The following CSRNP3 variants were observed in gnomAD, a reference collection of about 807,000 sequenced individuals.
CSRNP3 encodes cysteine/serine-rich nuclear protein 3.
Under a neutral mutation model 48.0 loss-of-function variants are expected in CSRNP3, and 12 were observed. The observed-to-expected ratio is 0.25, with a 90% CI of 0.16 to 0.41. CSRNP3 has a LOEUF of 0.41. Among genes scored for constraint, CSRNP3 ranks in the 10% least tolerant of loss-of-function variants. The pLI, the probability that CSRNP3 is intolerant of heterozygous loss-of-function variation, is 1.00. For missense variants in CSRNP3, 580 were observed against 724.4 expected, an observed-to-expected ratio of 0.80 and a Z score of 2.29; for synonymous variants, 263 against 269.7, an observed-to-expected ratio of 0.98 and a Z score of 0.24.
rs984206482 is a variant in CSRNP3 at position 165,681,220 on chromosome 2, T to C, written c.*1467T>C. ...AATAGTGTAATTCTGCCTTTTTTTT[T>C]CCAATGCAATATGACTATGCTAAAC... On this transcript the variant is annotated 3_prime_UTR_variant, in exon 7 of 7. Coordinates refer to ENST00000651982, the MANE Select transcript of CSRNP3 (RefSeq NM_001172173.2). The C allele has an allele frequency of 8.5e-5, 13 of 152,224 alleles. No individual in the cohort carries two copies. Among genetic ancestry groups the C allele is most frequent in the African/African-American group, 2.2e-4 (9 of 41,558 alleles). The allele number at this position is 152,224 out of a possible 1,614,324, so 9.4% of individuals were successfully genotyped here. A position where few individuals can be genotyped will look rare whatever the true frequency, so the allele number is the denominator to read the frequency against.
At chr2:165,521,453 A>G (rs1684661417) in intron 3 of CSRNP3, among the ~76,000 whole-genome samples, 1 of 152,212 alleles carries the variant, frequency 6.6e-6, no homozygotes, top group Admixed American at 6.5e-5. Context: ...CAAAATTGCC[A>G]ACCCAGGAAT....
chr2:165,521,231 G>A (rs1019923253), intron 3 of CSRNP3, among the ~76,000 whole-genome samples: 8 of 151,728 alleles, frequency 5.3e-5, no homozygotes, highest in Admixed American at 2.6e-4. Context: ...GGTTATGGGG[G>A]AAACAAAGAC....
intron 5 of CSRNP3, among the ~76,000 whole-genome samples, chr2:165,663,432 A>G (rs1208738407): frequency 1.3e-5 from 2 of 152,190 alleles, no homozygotes; most frequent in Non-Finnish European, 2.9e-5. Flanking sequence ...GAAAACTTTG[A>G]TGTGCTCAAT....
intron 3 of CSRNP3, among the ~76,000 whole-genome samples, chr2:165,563,005 G>A (rs1685253783): frequency 6.6e-6 from 1 of 152,118 alleles, no homozygotes; most frequent in Non-Finnish European, 1.5e-5. Flanking sequence ...GTCAGAGGAT[G>A]ATATGAACAT....
intron 4 of CSRNP3, among the ~76,000 whole-genome samples, chr2:165,608,973 G>A (rs977132940): frequency 6.7e-6 from 1 of 149,054 alleles, no homozygotes; most frequent in Non-Finnish European, 1.5e-5. Context: ...TGGGCATGGT[G>A]GCGGGCGCCT....
chr2:165,669,293 G>C (rs1558969224), intron 5 of CSRNP3, among the ~76,000 whole-genome samples: 1 of 151,884 alleles, frequency 6.6e-6, no homozygotes, highest in Non-Finnish European at 1.5e-5. Context: ...TTTGTTTTTT[G>C]TTTTATTTTG....
chr2:165,616,648 A>T (rs1460309569), intron 4 of CSRNP3, among the ~76,000 whole-genome samples: 1 of 152,142 alleles, frequency 6.6e-6, no homozygotes, highest in Non-Finnish European at 1.5e-5. Flanking sequence ...ATTCCCTTTT[A>T]TATGAATTGA....
At chr2:165,657,435 T>G (rs1687023306) in intron 4 of CSRNP3, among the ~76,000 whole-genome samples, 1 of 152,190 alleles carries the variant, frequency 6.6e-6, no homozygotes, top group African/African-American at 2.4e-5. Flanking sequence ...GAACATATCC[T>G]CTAAAGATAA....
chr2:165,516,313 T>G (rs1684581930), intron 2 of CSRNP3, among the ~76,000 whole-genome samples: 1 of 152,162 alleles, frequency 6.6e-6, no homozygotes, highest in Non-Finnish European at 1.5e-5. Flanking sequence ...ATATCTTCAT[T>G]GGTCTTCAGT....
At chr2:165,669,802 C>T (rs1479755865) in intron 5 of CSRNP3, among the ~76,000 whole-genome samples, 2 of 152,146 alleles carry the variant, frequency 1.3e-5, no homozygotes, top group African/African-American at 4.8e-5. Flanking sequence ...CACACATGTG[C>T]ATGCGTGCCC....
At chr2:165,646,080 T>C (rs1257383704) in intron 4 of CSRNP3, among the ~76,000 whole-genome samples, 8 of 152,150 alleles carry the variant, frequency 5.3e-5, no homozygotes, top group African/African-American at 1.7e-4. Context: ...TTCAGACATA[T>C]GGATCCAGTA....
At chr2:165,474,513 T>A (rs1395066859) in intron 1 of CSRNP3, among the ~76,000 whole-genome samples, 1 of 152,228 alleles carries the variant, frequency 6.6e-6, no homozygotes, top group Non-Finnish European at 1.5e-5. Context: ...TTTAGTCTTT[T>A]ATTGCCCTAG....
At chr2:165,557,666 T>A (rs1191421611) in intron 3 of CSRNP3, among the ~76,000 whole-genome samples, 1 of 152,194 alleles carries the variant, frequency 6.6e-6, no homozygotes, top group Non-Finnish European at 1.5e-5. Flanking sequence ...CCGTTGATCA[T>A]GACATTTTAG....
chr2:165,476,605 G>A (rs1264523951), intron 1 of CSRNP3, among the ~76,000 whole-genome samples: 10 of 152,210 alleles, frequency 6.6e-5, no homozygotes, highest in Non-Finnish European at 1.3e-4. Context: ...AGCTAATGGG[G>A]TACTGTGACT....
At chr2:165,512,040 A>G (rs1574812986) in intron 2 of CSRNP3, among the ~76,000 whole-genome samples, 1 of 152,208 alleles carries the variant, frequency 6.6e-6, no homozygotes, top group African/African-American at 2.4e-5. Context: ...AAATTCAGTA[A>G]GTGAGGAAGT....
intron 1 of CSRNP3, among the ~76,000 whole-genome samples, chr2:165,483,092 T>C (rs1684069818): frequency 6.6e-6 from 1 of 150,436 alleles, no homozygotes; most frequent in Non-Finnish European, 1.5e-5. Context: ...ATAATGTATA[T>C]ATAAAAATAT....
chr2:165,591,851 C>T (rs1156756379), intron 3 of CSRNP3, among the ~76,000 whole-genome samples: 2 of 152,210 alleles, frequency 1.3e-5, no homozygotes, highest in Non-Finnish European at 2.9e-5. Context: ...CATGAATACC[C>T]TCTGTTAGGG....
chr2:165,582,171 G>C (rs1423288883), intron 3 of CSRNP3, among the ~76,000 whole-genome samples: 1 of 152,194 alleles, frequency 6.6e-6, no homozygotes, highest in African/African-American at 2.4e-5. Context: ...CATAAACCTT[G>C]AGCAAGTGAT....
intron 4 of CSRNP3, among the ~76,000 whole-genome samples, chr2:165,644,770 A>T (rs1686784281): frequency 6.6e-6 from 1 of 152,214 alleles, no homozygotes; most frequent in Non-Finnish European, 1.5e-5. Flanking sequence ...TATGCCAGAC[A>T]TTGTGCTCAA....
Sources: allele counts gnomAD v4.1 joint callset (sites outside exome capture counted in the v4.1 genomes callset), GRCh38; gene constraint gnomAD v4.1.1; transcripts MANE v1.5; gene names NCBI Gene and HGNC (gene_info 2026-07-23, HGNC 2026-07-21).